Variants in ESR1 observed in about 807,000 individuals in gnomAD.
ESR1 encodes the protein estrogen receptor 1, also known as estrogen receptor.
ESR1 carries 12 observed loss-of-function variants against 52.7 expected under a neutral mutation model. The observed-to-expected ratio is 0.23, with a 90% CI of 0.15 to 0.37. The LOEUF is 0.37. Ranked by LOEUF, ESR1 falls within the 10% of genes least tolerant of loss-of-function variation. The pLI is 1.00. For missense variants in ESR1, 584 were observed against 779.7 expected (o/e 0.75, Z 2.99); for synonymous variants, 305 against 316.8 (o/e 0.96, Z 0.39).
intron 2 of ESR1, among the ~76,000 whole-genome samples, chr6:151,730,242 C>T (rs1166076974): frequency 6.6e-6 from 1 of 152,054 alleles, no homozygotes; most frequent in Non-Finnish European, 1.5e-5. Context: ...TTCGACCCCC[C>T]GGGGCTGACC....
intron 2 of ESR1, among the ~76,000 whole-genome samples, chr6:151,856,660 A>G (rs916919889): frequency 6.6e-6 from 1 of 152,250 alleles, no homozygotes; most frequent in South Asian, 2.1e-4. Flanking sequence ...GGTTGGTACT[A>G]TTGATGCACT....
At chr6:151,750,949 G>T (rs566536078) in intron 2 of ESR1, among the ~76,000 whole-genome samples, 1 of 152,190 alleles carries the variant, frequency 6.6e-6, no homozygotes, top group Admixed American at 6.5e-5. Flanking sequence ...AAAAAATGGC[G>T]TTTATGCAAA....
chr6:151,729,574 T>C (rs570839766), intron 2 of ESR1, among the ~76,000 whole-genome samples: 2 of 152,214 alleles, frequency 1.3e-5, no homozygotes, highest in Non-Finnish European at 1.5e-5. Flanking sequence ...TAAAGGAAAG[T>C]AGGTGACTTT....
chr6:152,110,863 G>C (rs532062212), intron 6 of ESR1, among the ~76,000 whole-genome samples: 1 of 152,214 alleles, frequency 6.6e-6, no homozygotes, highest in African/African-American at 2.4e-5. Context: ...TGTCTTTCTG[G>C]TGGGCAGCCG....
intron 2 of ESR1, among the ~76,000 whole-genome samples, chr6:151,753,071 A>T (rs1784016788): frequency 6.6e-6 from 1 of 152,182 alleles, no homozygotes; most frequent in Non-Finnish European, 1.5e-5. Context: ...AAGTATTAAA[A>T]TTTCAGCTTT....
intron 4 of ESR1, among the ~76,000 whole-genome samples, chr6:151,949,550 A>G (rs987563761): frequency 6.6e-6 from 1 of 152,236 alleles, no homozygotes; most frequent in African/African-American, 2.4e-5. Context: ...CTGTTTAAGG[A>G]CAAGATTTGC....
chr6:152,125,773 T>C (rs1277032280), exon 7 of ESR1: 1 of 155,372 alleles, frequency 6.4e-6, no homozygotes, highest in Admixed American at 6.4e-5. Flanking sequence ...CAGAGCTGAA[T>C]AGCTCCTGTT....
intron 4 of ESR1, among the ~76,000 whole-genome samples, chr6:152,000,654 C>T (rs556111245): frequency 9.9e-5 from 15 of 152,074 alleles, no homozygotes; most frequent in South Asian, 6.2e-4. Context: ...ATTTCAGTGA[C>T]GGCACCTGCA....
intron 1 of ESR1, among the ~76,000 whole-genome samples, chr6:151,829,742 T>G (rs73780872): frequency 6.6e-6 from 1 of 152,158 alleles, no homozygotes; most frequent in Non-Finnish European, 1.5e-5. Context: ...GTAGCAAACA[T>G]AGTTGTAATT....
intron 4 of ESR1, among the ~76,000 whole-genome samples, chr6:151,999,056 G>A (rs1437173018): frequency 1.3e-5 from 2 of 152,048 alleles, no homozygotes; most frequent in East Asian, 1.9e-4. Context: ...GGTTCTCCTG[G>A]CCAGTCCTCA....
At chr6:152,104,388 G>T (rs183044324), downstream of ESR1, among the ~76,000 whole-genome samples, 152 of 152,292 alleles carry the variant, frequency 1.0e-3, no homozygotes, top group Non-Finnish European at 1.6e-4. Context: ...GACTGGACAT[G>T]TGAAGTGCCC....
intron 4 of ESR1, among the ~76,000 whole-genome samples, chr6:151,957,684 A>C (rs1284094087): frequency 6.6e-6 from 1 of 152,232 alleles, no homozygotes; most frequent in African/African-American, 2.4e-5. Context: ...GCAAATACTT[A>C]AATGAATTAG....
chr6:151,769,415 C>T (rs1018123051), intron 2 of ESR1, among the ~76,000 whole-genome samples: 1 of 152,086 alleles, frequency 6.6e-6, no homozygotes, highest in Non-Finnish European at 1.5e-5. Flanking sequence ...GCCCTGATCT[C>T]GACTCTGACC....
intron 2 of ESR1, among the ~76,000 whole-genome samples, chr6:151,751,028 C>T: frequency 6.6e-6 from 1 of 152,184 alleles, no homozygotes; most frequent in East Asian, 1.9e-4. Flanking sequence ...TACTAGTCTT[C>T]AGATACTTAA....
At chr6:151,924,844 T>A (rs948690198) in intron 3 of ESR1, among the ~76,000 whole-genome samples, 4 of 152,310 alleles carry the variant, frequency 2.6e-5, no homozygotes, top group East Asian at 1.9e-4. Flanking sequence ...TGTTTTTTTT[T>A]AAACCCTGCA....
intron 4 of ESR1, among the ~76,000 whole-genome samples, chr6:151,955,877 C>CG (rs1371121961): frequency 6.6e-6 from 1 of 152,046 alleles, no homozygotes; most frequent in African/African-American, 2.4e-5. Flanking sequence ...CTCCTCCTCT[C>CG]ACCCTCCCTC....
intron 4 of ESR1, among the ~76,000 whole-genome samples, chr6:151,987,440 G>T (rs1358727751): frequency 6.6e-6 from 1 of 152,072 alleles, no homozygotes; most frequent in Non-Finnish European, 1.5e-5. Context: ...TGTATTTTTA[G>T]TAGAGATGGT....
intron 6 of ESR1, chr6:152,125,240 T>C (rs570514114): frequency 2.5e-5 from 39 of 1,549,016 alleles, no homozygotes; most frequent in Non-Finnish European, 1.4e-5. Flanking sequence ...ATGGTAATGG[T>C]AATTCAGGTC....
At chr6:151,815,823 G>A (rs766268433) in intron 1 of ESR1, among the ~76,000 whole-genome samples, 6 of 152,192 alleles carry the variant, frequency 3.9e-5, no homozygotes, top group Admixed American at 6.5e-5. Context: ...GGCTGAGCAA[G>A]GCTCACTTCT....
Sources: gnomAD v4.1 joint callset for allele counts (sites outside exome capture counted in the v4.1 genomes callset) on GRCh38, gnomAD v4.1.1 for gene constraint, MANE v1.5 for transcripts, NCBI Gene and HGNC (gene_info 2026-07-23, HGNC 2026-07-21) for gene names.